The following PTPRD variants were observed in gnomAD, a reference collection of about 807,000 sequenced individuals.
PTPRD encodes receptor-type tyrosine-protein phosphatase delta.
PTPRD carries 34 observed loss-of-function variants against 214.5 expected under a neutral mutation model. The ratio of observed to expected loss-of-function variants is 0.16; its 90% CI spans 0.12 to 0.21. The LOEUF (loss-of-function observed/expected upper bound fraction) is 0.21. PTPRD is among the 10% of genes least tolerant of loss of function. The pLI, the probability that PTPRD is intolerant of heterozygous loss-of-function variation, is 1.00. For synonymous variants in PTPRD, 1,128 were observed against 845.7 expected (o/e 1.33, Z -5.79); for missense variants, 2,545 against 2,398.7 (o/e 1.06, Z -1.27).
At chr9:8,514,182 T>C (rs2097738469) in intron 21 of PTPRD, among the ~76,000 whole-genome samples, 1 of 152,118 alleles carries the variant, frequency 6.6e-6, no homozygotes, top group African/African-American at 2.4e-5. Context: ...AAAATAAAGA[T>C]ATGGTCTGTC....
chr9:8,608,142 T>G (rs1242860021), intron 14 of PTPRD, among the ~76,000 whole-genome samples: 1 of 151,938 alleles, frequency 6.6e-6, no homozygotes, highest in African/African-American at 2.4e-5. Context: ...TAATCTAGAC[T>G]TCTGTATAGG....
chr9:9,684,764 T>C (rs1177745527), intron 7 of PTPRD, among the ~76,000 whole-genome samples: 1 of 151,526 alleles, frequency 6.6e-6, no homozygotes, highest in Non-Finnish European at 1.5e-5. Flanking sequence ...TTATTCGCTC[T>C]AATTCAGGCA....
chr9:8,483,806 A>G (rs923758245), intron 30 of PTPRD, among the ~76,000 whole-genome samples: 38 of 85,984 alleles, frequency 4.4e-4, no homozygotes, highest in African/African-American at 1.7e-3. Flanking sequence ...AAAAACAAAA[A>G]CAAACAAACA....
chr9:8,431,407 T>C (rs540919887), intron 35 of PTPRD, among the ~76,000 whole-genome samples: 18 of 152,260 alleles, frequency 1.2e-4, no homozygotes, highest in Admixed American at 5.9e-4. Context: ...TTTTAGATGA[T>C]AGTTCTTAAT....
rs559142500 is a variant in PTPRD, at chr9:9,135,339, G to T, written c.-143+47965C>A. On this transcript the variant is annotated intron_variant, in intron 10 of 45. Transcript: ENST00000381196. The stretch of plus-strand genomic sequence containing the variant: ...TTATCACTTCCTATGTAATCTTTTG[G>T]TTCAGAGAAACATTTAACCTCCCTA... Among the ~76,000 whole-genome samples, 4 of 152,144 alleles carry T rather than the reference G, an allele frequency of 2.6e-5. No homozygotes were observed. The East Asian group carries it at 7.7e-4, about 29-fold the overall frequency.
intron 11 of PTPRD, among the ~76,000 whole-genome samples, chr9:8,788,277 T>TTGTG (rs1555340220): frequency 1.2e-3 from 71 of 58,478 alleles, no homozygotes; most frequent in Middle Eastern, 0.011. Context: ...TTTTTTTTTT[T>TTGTG]TGTGTGTGTG....
At chr9:9,181,566 G>C (rs1436236426) in intron 10 of PTPRD, among the ~76,000 whole-genome samples, 2 of 151,862 alleles carry the variant, frequency 1.3e-5, no homozygotes, top group African/African-American at 4.8e-5. Flanking sequence ...TTTCATATAT[G>C]AACTCATTTA....
chr9:10,175,140 G>A (rs2099239274), intron 3 of PTPRD, among the ~76,000 whole-genome samples: 1 of 151,990 alleles, frequency 6.6e-6, no homozygotes, highest in African/African-American at 2.4e-5. Flanking sequence ...GGAAGAAGCT[G>A]GATCAATCCA....
chr9:10,079,630 G>C (rs2098199760), intron 3 of PTPRD, among the ~76,000 whole-genome samples: 1 of 152,060 alleles, frequency 6.6e-6, no homozygotes, highest in Admixed American at 6.6e-5. Flanking sequence ...ATGGTACCTT[G>C]AAACTAACCC....
chr9:8,457,766 C>T (rs1276325958), intron 33 of PTPRD, among the ~76,000 whole-genome samples: 1 of 151,958 alleles, frequency 6.6e-6, no homozygotes, highest in Non-Finnish European at 1.5e-5. Flanking sequence ...GCAGTATTTG[C>T]ATATGGGAAG....
chr9:10,410,638 C>T (rs2098424497), intron 2 of PTPRD, among the ~76,000 whole-genome samples: 1 of 151,404 alleles, frequency 6.6e-6, no homozygotes, highest in Non-Finnish European at 1.5e-5. Context: ...AGTACTTGTA[C>T]CAAGTGACAT....
chr9:9,455,818 T>A (rs2092910047), intron 8 of PTPRD, among the ~76,000 whole-genome samples: 1 of 151,734 alleles, frequency 6.6e-6, no homozygotes, highest in Non-Finnish European at 1.5e-5. Flanking sequence ...TTTCATAAAG[T>A]TCAAACAGAA....
At chr9:8,330,110 T>G (rs1327296830) in intron 44 of PTPRD, among the ~76,000 whole-genome samples, 1 of 152,138 alleles carries the variant, frequency 6.6e-6, no homozygotes, top group Non-Finnish European at 1.5e-5. Context: ...CTCTCACGGC[T>G]TCCCTTGGCT....
At chr9:8,833,462 CAT>C (rs2097340296) in intron 11 of PTPRD, among the ~76,000 whole-genome samples, 1 of 151,934 alleles carries the variant, frequency 6.6e-6, no homozygotes, top group Non-Finnish European at 1.5e-5. Context: ...GTAGATGTTA[CAT>C]ATATATTCTA....
intron 11 of PTPRD, among the ~76,000 whole-genome samples, chr9:8,992,104 C>A (rs758620920): frequency 1.8e-4 from 27 of 152,020 alleles, no homozygotes; most frequent in Non-Finnish European, 2.9e-4. Flanking sequence ...GCGGCCCAAA[C>A]AAGGACTCTG....
chr9:9,533,106 T>C (rs1042627228), intron 8 of PTPRD, among the ~76,000 whole-genome samples: 12 of 152,176 alleles, frequency 7.9e-5, no homozygotes, highest in African/African-American at 2.7e-4. Context: ...TGCATATAGA[T>C]AGCAGTGCTA....
chr9:8,319,361 T>C (rs1468824493), intron 45 of PTPRD, among the ~76,000 whole-genome samples: 2 of 152,064 alleles, frequency 1.3e-5, no homozygotes, highest in Non-Finnish European at 2.9e-5. Context: ...TTAATATCTC[T>C]AGGCTTATCC....
In PTPRD at chr9:9,385,583, G is replaced by C. The variant is rs563732723; in HGVS notation, c.-203+11866C>G. Among the ~76,000 whole-genome samples, 10 of 152,204 alleles carry C rather than the reference G, an allele frequency of 6.6e-5. No individual in the cohort carries two copies. In the East Asian group the frequency reaches 1.7e-3, roughly 27 times the overall value. On this transcript the variant is annotated intron_variant, in intron 9 of 45. Coordinates refer to ENST00000381196, the MANE Select transcript of PTPRD (RefSeq NM_002839.4). ...AAGTATTTCATCCATAAACCTTCTAGCTACTCTGTGGCATGGCTATGTGCA... is the reference window on the plus strand; with the variant it reads ...AAGTATTTCATCCATAAACCTTCTACCTACTCTGTGGCATGGCTATGTGCA...
At chr9:8,857,736 GCCTC>G in intron 11 of PTPRD, 1 of 156,038 alleles carries the variant, frequency 6.4e-6, no homozygotes, top group Non-Finnish European at 1.4e-5. Context: ...CCGCGCCGCC[GCCTC>G]CGGGCGGCCA....
Sources: allele counts gnomAD v4.1 joint callset (sites outside exome capture counted in the v4.1 genomes callset), GRCh38; gene constraint gnomAD v4.1.1; transcripts MANE v1.5; gene names NCBI Gene and HGNC (gene_info 2026-07-23, HGNC 2026-07-21).